PCDHA5: variants seen among roughly 807,000 people sequenced by gnomAD.
The protein encoded by PCDHA5 is protocadherin alpha 5.
In PCDHA5, 43 loss-of-function variants were observed where a neutral mutation model predicts 61.6. That is an observed-to-expected ratio of 0.70 (90% CI 0.55 to 0.90). PCDHA5 has a LOEUF of 0.90. PCDHA5 is among the 40% of genes least tolerant of loss of function. The probability of loss-of-function intolerance (pLI) is 0.00; values close to 1 mark genes in which losing one functional copy is unlikely to be tolerated. For synonymous variants in PCDHA5, 627 were observed against 543.9 expected (o/e 1.15, Z -2.13); for missense variants, 1,298 against 1,222.7 (o/e 1.06, Z -0.92).
intron 3 of PCDHA5, among the ~76,000 whole-genome samples, chr5:140,986,372 G>C (rs570215048): frequency 2.1e-4 from 32 of 152,248 alleles, no homozygotes; most frequent in Admixed American, 5.2e-4. Context: ...ATGCGTTTTG[G>C]GGGGAGGGAC....
chr5:140,877,005 C>G, intron 1 of PCDHA5: 1 of 1,612,474 alleles, frequency 6.2e-7, no homozygotes, highest in Non-Finnish European at 8.5e-7. Context: ...TGTCGGTGCA[C>G]GCGGAGAGCG....
At position 140,871,233 on chromosome 5, in the gene PCDHA5, G is replaced by A. The variant is rs1277389723; in HGVS notation, c.2352+47106G>A. 5 of 1,613,838 alleles carry A rather than the reference G, an allele frequency of 3.1e-6. No individual in the cohort carries two copies. The African/African-American group carries it at 6.7e-5, about 22-fold the overall frequency. On this transcript the variant is annotated intron_variant, in intron 1 of 3. Transcript: ENST00000529859. ...CCATCTGCGTGGTGTCCAGCCTCCT[G>A]GTACTCACGCTGCTGCTGTATACGG...
intron 1 of PCDHA5, chr5:140,835,572 T>C (rs782594410): frequency 7.4e-6 from 12 of 1,613,768 alleles, no homozygotes; most frequent in South Asian, 2.2e-5. Flanking sequence ...TCCCTTCAAG[T>C]TGGTGTCCAC....
chr5:140,883,960 G>A (rs2059914384), intron 1 of PCDHA5: 1 of 1,613,090 alleles, frequency 6.2e-7, no homozygotes. Context: ...ACGCTCCGGC[G>A]CTGCTGACGC....
intron 1 of PCDHA5, chr5:140,842,947 G>A: frequency 6.3e-7 from 1 of 1,594,658 alleles, no homozygotes; most frequent in Non-Finnish European, 8.6e-7. Flanking sequence ...ACGCGGGCGT[G>A]CCGCCTCTGG....
chr5:140,897,970 G>A (rs561364842), intron 1 of PCDHA5, among the ~76,000 whole-genome samples: 10 of 152,210 alleles, frequency 6.6e-5, no homozygotes, highest in Admixed American at 2.6e-4. Context: ...TGTGTCTTTT[G>A]GCTGCATAAA....
chr5:141,010,293 G>A lies in PCDHA5; in HGVS notation c.*356G>A. ...ATCCTGTCTTGATGACACTTGCAGG[G>A]CAGGCTGAAAAGTTTTGAGATTGAG... On this transcript the variant is annotated 3_prime_UTR_variant, in exon 4 of 4. Transcript: ENST00000529859. The A allele has an allele frequency of 6.5e-7, 1 of 1,549,794 alleles. No individual in the cohort carries two copies. The highest frequency in any genetic ancestry group is 2.4e-5 in the East Asian group (1 of 40,902).
chr5:140,850,468 C>A, intron 1 of PCDHA5: 2 of 1,597,912 alleles, frequency 1.3e-6, no homozygotes, highest in Non-Finnish European at 8.6e-7. Flanking sequence ...GGGGAGCCAG[C>A]GCTGACGGCC....
intron 1 of PCDHA5, among the ~76,000 whole-genome samples, chr5:140,826,639 T>C (rs1554130613): frequency 6.6e-6 from 1 of 152,114 alleles, no homozygotes; most frequent in African/African-American, 2.4e-5. Context: ...GACTTTTATA[T>C]GAAGGTAACA....
At chr5:140,989,321 C>T (rs898791820) in intron 3 of PCDHA5, among the ~76,000 whole-genome samples, 2 of 152,296 alleles carry the variant, frequency 1.3e-5, no homozygotes, top group Non-Finnish European at 1.5e-5. Context: ...GTCTCACCAA[C>T]TTTGCCACCT....
chr5:140,875,484 C>T (rs1442383636), intron 1 of PCDHA5: 2 of 1,611,246 alleles, frequency 1.2e-6, no homozygotes, highest in Non-Finnish European at 1.7e-6. Flanking sequence ...TGGTGATTAT[C>T]GGACCAAGAG....
intron 1 of PCDHA5, chr5:140,876,299 A>G: frequency 1.2e-6 from 2 of 1,614,062 alleles, no homozygotes; most frequent in South Asian, 2.2e-5. Context: ...CTTAATGGAG[A>G]AATTTCCTAT....
At chr5:140,912,164 C>G (rs1554195175) in intron 1 of PCDHA5, among the ~76,000 whole-genome samples, 1 of 152,158 alleles carries the variant, frequency 6.6e-6, no homozygotes, top group Non-Finnish European at 1.5e-5. Flanking sequence ...TTTATTCTGG[C>G]TGTGCTGGCA....
intron 1 of PCDHA5, among the ~76,000 whole-genome samples, chr5:140,846,986 C>A (rs1780801174): frequency 6.7e-6 from 1 of 149,066 alleles, no homozygotes; most frequent in South Asian, 2.1e-4. Flanking sequence ...AGTAAGTTCC[C>A]CCCGGGAGAA....
intron 1 of PCDHA5, chr5:140,929,129 C>T (rs1206531954): frequency 6.2e-7 from 1 of 1,614,052 alleles, no homozygotes; most frequent in South Asian, 1.1e-5. Context: ...GATGTCACTA[C>T]AGTTGAGAGA....
chr5:140,857,154 C>T (rs147581214), intron 1 of PCDHA5: 7 of 1,598,342 alleles, frequency 4.4e-6, no homozygotes, highest in Non-Finnish European at 6.0e-6. Flanking sequence ...ACCGTCATTG[C>T]CCTAATCAGC....
rs2150409017 is a variant in PCDHA5, at chr5:140,848,335, G to A, written c.2352+24208G>A. ...TGCCGCGATGTTCTCTCTGAATCCA[G>A]ACAAATACAGCCCTTTTCCCATGGG... On this transcript the variant is annotated intron_variant, in intron 1 of 3. Transcript: ENST00000529859. The A allele has an allele frequency of 1.4e-5, 12 of 865,274 alleles. 2 individuals carry two copies. The highest frequency in any genetic ancestry group is 2.2e-5 in the Non-Finnish European group (12 of 551,794). 53.6% of individuals were successfully genotyped at this position (865,274 alleles called of 1,614,324 possible). A position where few individuals can be genotyped will look rare whatever the true frequency, so the allele number is the denominator to read the frequency against.
chr5:140,913,100 A>G (rs2076204390), intron 1 of PCDHA5, among the ~76,000 whole-genome samples: 1 of 152,186 alleles, frequency 6.6e-6, no homozygotes, highest in Non-Finnish European at 1.5e-5. Flanking sequence ...TACTGGCCTC[A>G]TAGAATCAGT....
intron 1 of PCDHA5, chr5:140,927,330 G>A (rs2084093036): frequency 6.2e-7 from 1 of 1,614,140 alleles, no homozygotes; most frequent in Non-Finnish European, 8.5e-7. Flanking sequence ...TTACTCTCCC[G>A]AATGCCCAAG....
Sources: allele counts gnomAD v4.1 joint callset (sites outside exome capture counted in the v4.1 genomes callset), GRCh38; gene constraint gnomAD v4.1.1; transcripts MANE v1.5; gene names NCBI Gene and HGNC (gene_info 2026-07-23, HGNC 2026-07-21).